TRAPPC9: variants seen among roughly 807,000 people sequenced by gnomAD.
TRAPPC9 encodes the protein IKK2 binding protein.
In TRAPPC9, 83 loss-of-function variants were observed where a neutral mutation model predicts 124.0. The observed-to-expected ratio is 0.67, with a 90% CI of 0.56 to 0.80. TRAPPC9 has a LOEUF of 0.80. Among genes scored for constraint, TRAPPC9 ranks in the 30% least tolerant of loss-of-function variants. TRAPPC9 has a pLI of 0.00. For synonymous variants in TRAPPC9, 638 were observed against 617.5 expected (o/e 1.03, Z -0.49); for missense variants, 1,302 against 1,508.3 (o/e 0.86, Z 2.27).
intron 21 of TRAPPC9, among the ~76,000 whole-genome samples, chr8:139,775,413 A>C (rs1343292635): frequency 6.6e-6 from 1 of 152,202 alleles, no homozygotes; most frequent in Non-Finnish European, 1.5e-5. Context: ...CAGGCTGATA[A>C]ATTTGCTTTT....
chr8:139,823,152 A>C (rs1443772259), intron 21 of TRAPPC9, among the ~76,000 whole-genome samples: 1 of 151,996 alleles, frequency 6.6e-6, no homozygotes, highest in South Asian at 2.1e-4. Flanking sequence ...GCAACACATA[A>C]TTTTGGGGGG....
At chr8:139,858,318 C>T (rs1442896338) in intron 21 of TRAPPC9, among the ~76,000 whole-genome samples, 1 of 152,188 alleles carries the variant, frequency 6.6e-6, no homozygotes, top group Non-Finnish European at 1.5e-5. Flanking sequence ...CTGACTTCCG[C>T]GATCATAAGG....
In TRAPPC9 at chr8:139,776,143, G is replaced by A. The variant is rs370513616; in HGVS notation, c.3056-43941C>T. Among the ~76,000 whole-genome samples, 2 of 152,190 alleles carry A rather than the reference G, an allele frequency of 1.3e-5. No homozygotes were observed. The highest frequency in any genetic ancestry group is 4.8e-5 in the African/African-American group (2 of 41,446). ...CGAGGCTGGACTCTGCCAGGACCACGTGCTAGTCATGGGGGCTTGGGACCC... is the reference window on the plus strand; with the variant it reads ...CGAGGCTGGACTCTGCCAGGACCACATGCTAGTCATGGGGGCTTGGGACCC... On this transcript the variant is annotated intron_variant, in intron 21 of 22. Coordinates refer to ENST00000438773, the MANE Select transcript of TRAPPC9 (RefSeq NM_001160372.4). This position sits in a 1 kb window ranked among gnomAD's most constrained non-coding sequence, Gnocchi z 4.1.
chr8:139,755,323 G>A (rs963087544), intron 21 of TRAPPC9, among the ~76,000 whole-genome samples: 19 of 149,732 alleles, frequency 1.3e-4, no homozygotes, highest in Non-Finnish European at 1.2e-4. Flanking sequence ...ACAGCAGGTC[G>A]CAGGAAGAGC....
chr8:140,190,678 C>T (rs1033810791), intron 17 of TRAPPC9, among the ~76,000 whole-genome samples: 7 of 152,170 alleles, frequency 4.6e-5, no homozygotes, highest in Admixed American at 2.0e-4. Context: ...AAAAGCTGTG[C>T]GGAAGAACAA....
chr8:139,909,443 G>A (rs537237343), intron 20 of TRAPPC9, among the ~76,000 whole-genome samples: 1 of 152,164 alleles, frequency 6.6e-6, no homozygotes, highest in South Asian at 2.1e-4. Context: ...TCAATTCCCA[G>A]AGGACACATC....
chr8:139,798,456 G>A lies in TRAPPC9; in HGVS notation c.3056-66254C>T, dbSNP rs1279918093. On this transcript the variant is annotated intron_variant, in intron 21 of 22. Coordinates refer to ENST00000438773, the MANE Select transcript of TRAPPC9 (RefSeq NM_001160372.4). ...GATACTGGGGACATTGAAATCAGAA[G>A]GGGGTTGATGTGTAACCCAGGATGA... Among the ~76,000 whole-genome samples, 13 of 152,332 alleles carry A rather than the reference G, an allele frequency of 8.5e-5. No individual in the cohort carries two copies. The East Asian group carries it at 2.1e-3, about 25-fold the overall frequency.
At chr8:140,314,406 G>A (rs950130760) in intron 9 of TRAPPC9, among the ~76,000 whole-genome samples, 1 of 152,074 alleles carries the variant, frequency 6.6e-6, no homozygotes, top group African/African-American at 2.4e-5. Flanking sequence ...ATCAAATCAG[G>A]GTCATCAGCG....
At chr8:140,351,060 G>A (rs192276298) in intron 9 of TRAPPC9, among the ~76,000 whole-genome samples, 2 of 151,744 alleles carry the variant, frequency 1.3e-5, no homozygotes, top group East Asian at 2.0e-4. Flanking sequence ...GCCTCTCAAC[G>A]AATCCAAGGT....
At chr8:140,107,800 A>G (rs1359602735) in intron 17 of TRAPPC9, among the ~76,000 whole-genome samples, 1 of 152,198 alleles carries the variant, frequency 6.6e-6, no homozygotes, top group African/African-American at 2.4e-5. Flanking sequence ...GAAGGCATGC[A>G]TGGCGCACTC....
intron 17 of TRAPPC9, among the ~76,000 whole-genome samples, chr8:140,121,546 A>G (rs1186472844): frequency 6.6e-6 from 1 of 152,242 alleles, no homozygotes; most frequent in Non-Finnish European, 1.5e-5. Context: ...GGCAGGGCCC[A>G]GGCAGCAGCA....
At chr8:139,945,100 T>C (rs962496974) in intron 19 of TRAPPC9, among the ~76,000 whole-genome samples, 2 of 152,048 alleles carry the variant, frequency 1.3e-5, no homozygotes, top group East Asian at 1.9e-4. Flanking sequence ...CTCCAGCCTA[T>C]GCAACAGAGT....
chr8:139,785,856 A>C (rs1027742433), intron 21 of TRAPPC9, among the ~76,000 whole-genome samples: 15 of 151,120 alleles, frequency 9.9e-5, no homozygotes, highest in African/African-American at 4.9e-5. Flanking sequence ...CAAATCATCA[A>C]TTTTATGAAG....
intron 19 of TRAPPC9, among the ~76,000 whole-genome samples, chr8:139,956,820 G>C (rs1362746860): frequency 6.6e-6 from 1 of 152,180 alleles, no homozygotes; most frequent in Non-Finnish European, 1.5e-5. Flanking sequence ...CACCCTGGAG[G>C]ACAAGCACCT....
chr8:140,258,920 C>T (rs933480479), intron 15 of TRAPPC9, among the ~76,000 whole-genome samples: 2 of 152,226 alleles, frequency 1.3e-5, no homozygotes, highest in African/African-American at 4.8e-5. Context: ...GATACTGAGG[C>T]CCTGTAAGAG....
chr8:140,373,346 C>T (rs1004588261), intron 7 of TRAPPC9, among the ~76,000 whole-genome samples: 4 of 152,180 alleles, frequency 2.6e-5, no homozygotes, highest in Non-Finnish European at 4.4e-5. Flanking sequence ...TAGGTGACGC[C>T]GCCGGGGCAC....
At chr8:140,260,793 A>G (rs998976013) in intron 15 of TRAPPC9, among the ~76,000 whole-genome samples, 2 of 152,252 alleles carry the variant, frequency 1.3e-5, no homozygotes, top group Non-Finnish European at 2.9e-5. Flanking sequence ...CAGAACCAAG[A>G]GTCAGATCCA....
chr8:140,391,661 G>A (rs375999056), intron 7 of TRAPPC9, among the ~76,000 whole-genome samples: 7 of 149,064 alleles, frequency 4.7e-5, no homozygotes, highest in East Asian at 2.0e-4. Flanking sequence ...GTGGTGAGCC[G>A]AGATCGTGCC....
intron 16 of TRAPPC9, among the ~76,000 whole-genome samples, chr8:140,239,565 G>A (rs1479323320): frequency 6.6e-6 from 1 of 152,170 alleles, no homozygotes; most frequent in African/African-American, 2.4e-5. Context: ...CCCTTTGCTC[G>A]GGACTCACTG....
Sources: gnomAD v4.1 joint callset for allele counts (sites outside exome capture counted in the v4.1 genomes callset) on GRCh38, gnomAD v4.1.1 for gene constraint, Gnocchi (gnomAD v3.1) non-coding constraint, MANE v1.5 for transcripts, NCBI Gene and HGNC (gene_info 2026-07-23, HGNC 2026-07-21) for gene names.